The following PDE10A variants were observed in gnomAD, a reference collection of about 807,000 sequenced individuals.
PDE10A encodes the protein phosphodiesterase 10A.
PDE10A carries 39 observed loss-of-function variants against 97.7 expected under a neutral mutation model. That is an observed-to-expected ratio of 0.40 (90% CI 0.31 to 0.52). The LOEUF (loss-of-function observed/expected upper bound fraction) is 0.52, where lower values mean the gene tolerates loss of function less well. PDE10A is among the 20% of genes least tolerant of loss of function. PDE10A has a pLI of 0.56. For missense variants in PDE10A, 731 were observed against 1,047.8 expected (o/e 0.70, Z 4.17); for synonymous variants, 371 against 376.8 (o/e 0.98, Z 0.18).
intron 1 of PDE10A, among the ~76,000 whole-genome samples, chr6:165,830,248 AG>A (rs1779872337): frequency 1.3e-5 from 2 of 152,192 alleles, no homozygotes; most frequent in South Asian, 4.2e-4. Context: ...GGCCTCACAA[AG>A]GCGCCTCTGT....
chr6:165,358,022 C>G (rs1562379431), intron 18 of PDE10A, among the ~76,000 whole-genome samples: 3 of 152,124 alleles, frequency 2.0e-5, no homozygotes, highest in African/African-American at 7.2e-5. Context: ...TTTTCACTGT[C>G]ATTCTGGTTG....
chr6:165,728,236 G>A (rs6908907), intron 1 of PDE10A, among the ~76,000 whole-genome samples: 3,929 of 152,218 alleles, frequency 0.026, 58 homozygotes, highest in South Asian at 0.04. Flanking sequence ...GGTAAACATC[G>A]GGACTCTAAC....
rs114146737 is a variant in PDE10A, at chr6:165,356,811, T to C, written c.2784-13309A>G. Among the ~76,000 whole-genome samples, 983 of 152,298 alleles carry C rather than the reference T, an allele frequency of 6.5e-3. 8 individuals are homozygous for C. Among genetic ancestry groups the C allele is most frequent in the African/African-American group, 0.023 (944 of 41,576 alleles). ...AATTCGCTTATTAATTCTAGTACAT[T>C]TTTTGGAGATGACTTAGGTGTTTTT... On this transcript the variant is annotated intron_variant, in intron 18 of 21. Transcript: ENST00000539869.
At chr6:165,844,181 C>T (rs79448409) in intron 1 of PDE10A, among the ~76,000 whole-genome samples, 2,659 of 152,266 alleles carry the variant, frequency 0.017, 37 homozygotes, top group Non-Finnish European at 0.028. Context: ...CCATTTGTCC[C>T]TGGGGCTGGA....
intron 3 of PDE10A, among the ~76,000 whole-genome samples, chr6:165,461,525 T>C (rs1778326989): frequency 6.6e-6 from 1 of 152,236 alleles, no homozygotes; most frequent in Non-Finnish European, 1.5e-5. Context: ...ATTAATGTGA[T>C]TTCTGATTCT....
rs553418110 is a variant in PDE10A, at chr6:165,817,990, G to A, written c.-615+169539C>T. ...TGATCCGTTGCAAGGCACTGACATTGCACATCGTACTTCACACGGTGGCAT... is the reference window on the plus strand; with the variant it reads ...TGATCCGTTGCAAGGCACTGACATTACACATCGTACTTCACACGGTGGCAT... On this transcript the variant is annotated intron_variant, in intron 1 of 19. Transcript: ENST00000366882. Among the ~76,000 whole-genome samples, 3 of 152,310 alleles carry A rather than the reference G, an allele frequency of 2.0e-5. No individual in the cohort carries two copies. In the South Asian group the frequency reaches 6.2e-4, roughly 32 times the overall value.
intron 19 of PDE10A, among the ~76,000 whole-genome samples, chr6:165,339,765 C>T (rs1348572101): frequency 6.6e-6 from 1 of 152,196 alleles, no homozygotes; most frequent in East Asian, 1.9e-4. Flanking sequence ...GGAATATTTA[C>T]AGAGGAAGAT....
rs1203826950 is a variant in PDE10A at position 165,329,503 on chromosome 6, A to C, written c.*3522T>G. ...AATAATTTAGTCCTATTAAAGCTCA[A>C]ACCTTAATTTTGAGTTAAAAGACCA... On this transcript the variant is annotated 3_prime_UTR_variant, in exon 22 of 22. Coordinates refer to ENST00000539869, the MANE Select transcript of PDE10A (RefSeq NM_001385079.1). The C allele has an allele frequency of 1.3e-5, 2 of 152,228 alleles. No individual in the cohort carries two copies. The highest frequency in any genetic ancestry group is 2.4e-5 in the African/African-American group (1 of 41,464). 9.4% of individuals were successfully genotyped at this position (152,228 alleles called of 1,614,324 possible).
At chr6:165,371,869 C>T (rs920075970) in intron 18 of PDE10A, among the ~76,000 whole-genome samples, 26 of 152,108 alleles carry the variant, frequency 1.7e-4, no homozygotes, top group African/African-American at 6.0e-4. Flanking sequence ...CATCAAAAAG[C>T]TTATCCACCA....
intron 19 of PDE10A, among the ~76,000 whole-genome samples, chr6:165,342,028 C>T (rs555874818): frequency 3.3e-5 from 5 of 152,064 alleles, no homozygotes; most frequent in East Asian, 1.9e-4. Flanking sequence ...CAATTTAACA[C>T]GGCATCTGTT....
At chr6:165,975,936 A>G (rs190324910) in intron 1 of PDE10A, among the ~76,000 whole-genome samples, 103 of 152,348 alleles carry the variant, frequency 6.8e-4, no homozygotes, top group African/African-American at 2.4e-3. Context: ...AATTGACAAC[A>G]TTTCACTTCC....
chr6:165,839,831 C>T (rs1427669088), intron 1 of PDE10A, among the ~76,000 whole-genome samples: 2 of 151,830 alleles, frequency 1.3e-5, no homozygotes, highest in Admixed American at 6.6e-5. Context: ...TCTCCAATCT[C>T]GTCTCCATTC....
chr6:165,704,093 A>T (rs1411846598), intron 1 of PDE10A, among the ~76,000 whole-genome samples: 1 of 152,204 alleles, frequency 6.6e-6, no homozygotes, highest in Non-Finnish European at 1.5e-5. Flanking sequence ...GTACAACAGT[A>T]TGTTGTATCC....
intron 1 of PDE10A, among the ~76,000 whole-genome samples, chr6:165,925,079 T>A (rs769505076): frequency 6.6e-6 from 1 of 152,122 alleles, no homozygotes; most frequent in Non-Finnish European, 1.5e-5. Flanking sequence ...AAAAATGAAA[T>A]GGGCCGAAGA....
At chr6:165,473,654 T>A (rs1280847154) in intron 3 of PDE10A, among the ~76,000 whole-genome samples, 1 of 152,124 alleles carries the variant, frequency 6.6e-6, no homozygotes, top group Non-Finnish European at 1.5e-5. Flanking sequence ...ACCTGCCATG[T>A]AAAGAAATCT....
chr6:165,513,567 T>C (rs951046897), intron 2 of PDE10A, among the ~76,000 whole-genome samples: 2 of 152,162 alleles, frequency 1.3e-5, no homozygotes, highest in Non-Finnish European at 2.9e-5. Context: ...AATCAATTTC[T>C]ATAAAAAGAC....
At chr6:165,572,256 CTACCAAGG>C (rs1197332807) in intron 1 of PDE10A, among the ~76,000 whole-genome samples, 1 of 152,212 alleles carries the variant, frequency 6.6e-6, no homozygotes, top group South Asian at 2.1e-4. Context: ...TCGAAGACGA[CTACCAAGG>C]TACTCTTAGC....
chr6:165,937,051 T>A lies in PDE10A; in HGVS notation c.-615+50478A>T, dbSNP rs116148789. On this transcript the variant is annotated intron_variant, in intron 1 of 19. Transcript: ENST00000366882. ...GCGCTGAGACGAAGTTCTTCCTCTA[T>A]GTAGTTCAGGGGTGACCATGACAAT... 3.1e-3 allele frequency among the ~76,000 whole-genome samples: 468 copies of A among 152,354 alleles called. 4 individuals are homozygous for A. Among genetic ancestry groups the A allele is most frequent in the African/African-American group, 0.01 (435 of 41,586 alleles).
Position 165,460,222 on chromosome 6 carries a change from G to A in PDE10A, c.1024-9860C>T, listed in dbSNP as rs368549017. 9.4e-4 allele frequency among the ~76,000 whole-genome samples: 143 copies of A among 152,186 alleles called. 3 individuals carry two copies. Among genetic ancestry groups the A allele is most frequent in the Non-Finnish European group, 3.8e-4 (26 of 68,044 alleles). On this transcript the variant is annotated intron_variant, in intron 3 of 21. Transcript: ENST00000539869. ...CAGGAGCCTGTGGACCCTTGCCAGC[G>A]GGTACAATAGGATTACTTTTAGGAA...
Sources: gnomAD v4.1 joint callset for allele counts (sites outside exome capture counted in the v4.1 genomes callset) on GRCh38, gnomAD v4.1.1 for gene constraint, MANE v1.5 for transcripts, NCBI Gene and HGNC (gene_info 2026-07-23, HGNC 2026-07-21) for gene names.